Variants in ADH1C observed in about 807,000 individuals in gnomAD.
ADH1C encodes alcohol dehydrogenase 1C.
In ADH1C, 26 loss-of-function variants were observed where a neutral mutation model predicts 35.0. The observed-to-expected ratio is 0.74, with a 90% CI of 0.54 to 1.03. The LOEUF is 1.03. ADH1C is among the 50% of genes least tolerant of loss of function. The pLI, the probability that ADH1C is intolerant of heterozygous loss-of-function variation, is 0.00. For missense variants in ADH1C, 413 were observed against 465.4 expected (o/e 0.89, Z 1.04); for synonymous variants, 170 against 169.3 (o/e 1.00, Z -0.03).
intron 8 of ADH1C, 68 bp downstream of exon 8, chr4:99,339,509 A>G: frequency 8.9e-7 from 1 of 1,121,836 alleles, no homozygotes; most frequent in African/African-American, 3.5e-5. Flanking sequence ...TCTGCTAGAC[A>G]ACGCCCCCCC....
chr4:99,340,525 G>A, intron 7 of ADH1C, 50 bp downstream of exon 7: 1 of 1,602,762 alleles, frequency 6.2e-7, no homozygotes, highest in Non-Finnish European at 8.5e-7. Context: ...CATAAAAGGA[G>A]AGAAATTCTT....
rs1225550301 is a variant in ADH1C at position 99,338,751 on chromosome 4, G to A, written c.1103+826C>T. 4.0e-5 allele frequency among the ~76,000 whole-genome samples: 6 copies of A among 149,192 alleles called. No individual in the cohort carries two copies. The East Asian group carries it at 1.2e-3, about 29-fold the overall frequency. On this transcript the variant is annotated intron_variant, in intron 8 of 8. Transcript: ENST00000515683. ...AAAGTATCTAGTATGATAGTTTTGT[G>A]AGTTTCAAAGAAACACTATTTGAAG... is the stretch of plus-strand genomic sequence containing the variant.
rs869153400 is a variant in ADH1C at position 99,338,393 on chromosome 4, TTCTATATATATATATA to T, written c.1103+1168_1103+1183del. On this transcript the variant is annotated intron_variant, in intron 8 of 8. Transcript: ENST00000515683. The stretch of plus-strand genomic sequence containing the variant: ...TAATTAACCTTTGATGAATACTGTT[TTCTATATATATATATA>T]TATATATATATATATATATATATAT... 2.2e-3 allele frequency among the ~76,000 whole-genome samples: 159 copies of T among 73,094 alleles called. 17 individuals are homozygous for T. The highest frequency in any genetic ancestry group is 4.9e-3 in the African/African-American group (90 of 18,328). 48.0% of individuals were successfully genotyped at this position (73,094 alleles called of 152,430 possible). A position where few individuals can be genotyped will look rare whatever the true frequency, so the allele number is the denominator to read the frequency against.
At chr4:99,347,662 A>G (rs998985866) in intron 2 of ADH1C, 83 bp downstream of exon 2, 44 of 1,265,424 alleles carry the variant, frequency 3.5e-5, no homozygotes, top group Non-Finnish European at 4.0e-5. Flanking sequence ...AAATACCTCT[A>G]GTGGATTTTG....
In ADH1C at chr4:99,347,860, CAG is replaced by C. The variant is rs374750197; in HGVS notation, c.19-16_19-15del. 4 of 1,613,218 alleles carry C rather than the reference CAG, an allele frequency of 2.5e-6. No homozygotes were observed. The highest frequency in any genetic ancestry group is 2.7e-5 in the African/African-American group (2 of 75,028). On this transcript the variant is annotated splice_polypyrimidine_tract_variant and intron_variant, in intron 1 of 8. Coordinates refer to ENST00000515683, the MANE Select transcript of ADH1C (RefSeq NM_000669.5). ...GCATTTGATTACCTAGAACATCAGA[CAG>C]AGAGATGGTACCAGTGTTTTCCCAC...
Position 99,347,866 on chromosome 4 carries a change from G to A in ADH1C, c.19-20C>T, listed in dbSNP as rs553897775. 1.1e-4 allele frequency: 175 copies of A among 1,612,800 alleles called. 2 individuals are homozygous for A. The South Asian group carries it at 1.8e-3, about 17-fold the overall frequency. On this transcript the variant is annotated intron_variant, in intron 1 of 8. Coordinates refer to ENST00000515683, the MANE Select transcript of ADH1C (RefSeq NM_000669.5). ...GATTACCTAGAACATCAGACAGAGA[G>A]ATGGTACCAGTGTTTTCCCACGCTT...
intron 8 of ADH1C, 65 bp downstream of exon 8, chr4:99,339,512 G>GCTCCCCC (rs1203375085): frequency 1.5e-6 from 1 of 687,672 alleles, no homozygotes; most frequent in African/African-American, 2.0e-5. Context: ...GCTAGACAAC[G>GCTCCCCC]CCCCCCCCCC....
In ADH1C at chr4:99,339,602, A is replaced by G; in HGVS notation, c.1078T>C (p.Phe360Leu). The G allele has an allele frequency of 6.2e-7, 1 of 1,605,650 alleles. No homozygotes were observed. Among genetic ancestry groups the G allele is most frequent in the South Asian group, 1.1e-5 (1 of 89,652 alleles). ...CTCTTTCCAGAGCGAAGCAGGTCAA[A>G]TCCTTCATTTATTTTTTCAAAAGGT... is the stretch of plus-strand genomic sequence containing the variant. Reference protein sequence around the residue: ...ILPFEKINEGFDLLRSGKSIR... With the variant: ...ILPFEKINEGLDLLRSGKSIR... Residue 360 changes from phenylalanine (F) to leucine (L), a missense_variant, in exon 8 of 9, where the codon TTT (phenylalanine) becomes CTT (leucine). Coordinates refer to ENST00000515683, the MANE Select transcript of ADH1C (RefSeq NM_000669.5).
At chr4:99,340,217 G>A (rs1468733281) in intron 7 of ADH1C, among the ~76,000 whole-genome samples, 4 of 152,102 alleles carry the variant, frequency 2.6e-5, no homozygotes, top group East Asian at 1.9e-4. Flanking sequence ...TCAGGAGTTC[G>A]AGACCACCTT....
chr4:99,349,985 C>G (rs754200777), intron 1 of ADH1C, among the ~76,000 whole-genome samples: 1 of 152,184 alleles, frequency 6.6e-6, no homozygotes, highest in Non-Finnish European at 1.5e-5. Context: ...TGTGGTAAAG[C>G]ATGTACAATT....
In ADH1C at chr4:99,342,945, G is replaced by A. The variant is rs6413444; in HGVS notation, c.678C>T (p.Asn226=). 22,789 of 1,614,132 alleles carry A rather than the reference G, an allele frequency of 0.014. 209 individuals carry two copies. The highest frequency in any genetic ancestry group is 0.015 in the Non-Finnish European group (18,264 of 1,180,038). ...GAARIIAVDI[N]KDKFAKAKEL... ...CTTTAGCCTTTGCAAATTTGTCCTTGTTGATGTCCACAGCAATGATTCTGG... is the reference window on the plus strand; with the variant it reads ...CTTTAGCCTTTGCAAATTTGTCCTTATTGATGTCCACAGCAATGATTCTGG... The change falls in exon 6 of 9, where the codon AAC becomes AAT. Residue 226 remains asparagine, a synonymous_variant. Transcript: ENST00000515683.
At chr4:99,336,864 T>G (rs980973286) in intron 8 of ADH1C, 88 bp from the exon 9 acceptor site, 2 of 1,573,254 alleles carry the variant, frequency 1.3e-6, no homozygotes, top group Non-Finnish European at 1.7e-6. Flanking sequence ...TGAGGTGACT[T>G]AGTGAAAATC....
At chr4:99,342,136 G>A (rs1428613438) in intron 6 of ADH1C, among the ~76,000 whole-genome samples, 1 of 152,138 alleles carries the variant, frequency 6.6e-6, no homozygotes, top group South Asian at 2.1e-4. Flanking sequence ...TGTCTCATGC[G>A]TTTCATAAAC....
chr4:99,352,124 T>C (rs1354882960), intron 1 of ADH1C, among the ~76,000 whole-genome samples: 1 of 152,214 alleles, frequency 6.6e-6, no homozygotes, highest in African/African-American at 2.4e-5. Flanking sequence ...TGCTGTGAGA[T>C]CAATGAGTAT....
Position 99,345,236 on chromosome 4 carries a change from T to C in ADH1C, c.290A>G (p.Gln97Arg), listed in dbSNP as rs771155881. 2.5e-6 allele frequency: 4 copies of C among 1,613,924 alleles called. No individual in the cohort carries two copies. Among genetic ancestry groups the C allele is most frequent in the Admixed American group, 3.3e-5 (2 of 60,006 alleles). ...GDKVIPLFTP[Q>R]CGKCRICKNP... ...TTTACAAATTCTGCATTTTCCACAC[T>C]GAGGAGTAAAGAGCGGGATGACTTT... The change falls in exon 4 of 9, where the codon CAG (glutamine) becomes CGG (arginine). Residue 97 changes from glutamine (Q) to arginine (R), a missense_variant. By Grantham distance (43) the Gln-to-Arg change is conservative. Coordinates refer to ENST00000515683, the MANE Select transcript of ADH1C (RefSeq NM_000669.5).
chr4:99,344,908 C>T lies in ADH1C; in HGVS notation c.521G>A (p.Gly174Asp). ...CCCATAACCAGTCGAAAATCCACAG[C>T]CAATGAGGCAGACTTTCTCCAGGGG... Reference protein sequence around the residue: ...ASPLEKVCLIGCGFSTGYGSA... With the variant: ...ASPLEKVCLIDCGFSTGYGSA... The change falls in exon 5 of 9, where the codon GGC (glycine) becomes GAC (aspartate). Residue 174 changes from glycine to aspartate, a missense_variant. By Grantham distance (94) the Gly-to-Asp change is moderately conservative. Coordinates refer to ENST00000515683, the MANE Select transcript of ADH1C (RefSeq NM_000669.5). 1 of 1,614,220 alleles carries T rather than the reference C, an allele frequency of 6.2e-7. No homozygotes were observed. Among genetic ancestry groups the T allele is most frequent in the Non-Finnish European group, 8.5e-7 (1 of 1,180,052 alleles).
At chr4:99,350,547 C>T (rs570096425) in intron 1 of ADH1C, among the ~76,000 whole-genome samples, 9 of 152,260 alleles carry the variant, frequency 5.9e-5, no homozygotes, top group African/African-American at 1.9e-4. Flanking sequence ...CAGCTTCATC[C>T]AAGTGGCTGC....
At chr4:99,339,554 C>CA (rs780003895) in intron 8 of ADH1C, 23 bp downstream of exon 8, 41 of 1,260,204 alleles carry the variant, frequency 3.3e-5, no homozygotes, top group African/African-American at 8.1e-5. Flanking sequence ...CAAAGCAAAA[C>CA]AAAAAAACAA....
chr4:99,342,887 C>G lies in ADH1C; in HGVS notation c.736G>C (p.Asp246His). The part of the protein sequence containing the change: ...LGATECINPQ[D>H]YKKPIQEVLK... ...ACTTCCTGAATGGGTTTCTTGTAGT[C>G]TTGAGGGTTGATGCATTCAGTGGCA... The change falls in exon 6 of 9, where the codon GAC becomes CAC. Residue 246 changes from aspartate to histidine, a missense_variant. By Grantham distance (81) the Asp-to-His change is moderately conservative. Coordinates refer to ENST00000515683, the MANE Select transcript of ADH1C (RefSeq NM_000669.5). 6.2e-7 allele frequency: 1 copy of G among 1,613,992 alleles called. No homozygotes were observed. Among genetic ancestry groups the G allele is most frequent in the Non-Finnish European group, 8.5e-7 (1 of 1,179,970 alleles).
Sources: allele counts gnomAD v4.1 joint callset (sites outside exome capture counted in the v4.1 genomes callset), GRCh38; gene constraint gnomAD v4.1.1; transcripts MANE v1.5; gene names NCBI Gene and HGNC (gene_info 2026-07-23, HGNC 2026-07-21).